Variants in MAML2 observed in about 807,000 individuals in gnomAD.
MAML2 encodes the protein mastermind-like protein 2.
Under a neutral mutation model 96.1 loss-of-function variants are expected in MAML2, and 22 were observed. The observed-to-expected ratio is 0.23, with a 90% CI of 0.16 to 0.33. The LOEUF (loss-of-function observed/expected upper bound fraction) is 0.33. MAML2 is among the 10% of genes least tolerant of loss of function. MAML2 has a pLI of 1.00. For missense variants in MAML2, 1,367 were observed against 1,392.4 expected (o/e 0.98, Z 0.29); for synonymous variants, 561 against 521.3 (o/e 1.08, Z -1.04).
chr11:96,332,649 C>T (rs1305057828), intron 1 of MAML2, among the ~76,000 whole-genome samples: 9 of 152,202 alleles, frequency 5.9e-5, no homozygotes, highest in African/African-American at 1.9e-4. Context: ...TACACTAGCA[C>T]ATACTTTGTG....
chr11:96,211,300 A>G (rs920926647), intron 1 of MAML2, among the ~76,000 whole-genome samples: 1 of 152,310 alleles, frequency 6.6e-6, no homozygotes, highest in Admixed American at 6.5e-5. Context: ...ATGGTTATCA[A>G]AAATCAAATA....
chr11:96,107,405 T>C (rs1001239760), intron 1 of MAML2, among the ~76,000 whole-genome samples: 2 of 152,168 alleles, frequency 1.3e-5, no homozygotes, highest in African/African-American at 4.8e-5. Context: ...TCAAATAAGA[T>C]AATGTCTATA....
intron 1 of MAML2, among the ~76,000 whole-genome samples, chr11:96,186,515 G>C (rs879426095): frequency 6.6e-6 from 1 of 152,198 alleles, no homozygotes; most frequent in Non-Finnish European, 1.5e-5. Context: ...CTTGAACCCG[G>C]GAGGTGGAGG....
chr11:96,193,628 T>G (rs569977), intron 1 of MAML2, among the ~76,000 whole-genome samples: 133,880 of 152,214 alleles, frequency 0.88, 59,160 homozygotes, highest in Middle Eastern at 0.95. Flanking sequence ...CATATGCAAA[T>G]CAGCAATATA....
intron 2 of MAML2, among the ~76,000 whole-genome samples, chr11:96,044,879 C>A (rs1362184804): frequency 1.3e-5 from 2 of 152,146 alleles, no homozygotes; most frequent in Admixed American, 6.5e-5. Context: ...GGCTCTTGTT[C>A]CAGATAAAAG....
At chr11:96,006,174 C>T (rs1042147284) in intron 2 of MAML2, among the ~76,000 whole-genome samples, 1 of 152,160 alleles carries the variant, frequency 6.6e-6, no homozygotes, top group African/African-American at 2.4e-5. Flanking sequence ...CTAAATACTT[C>T]AGTGAGACTT....
intron 1 of MAML2, among the ~76,000 whole-genome samples, chr11:96,141,909 A>C (rs569386284): frequency 6.6e-6 from 1 of 152,222 alleles, no homozygotes. Context: ...GCATCACCAC[A>C]GCAATCTGAG....
chr11:96,306,878 CT>C (rs1384432371), intron 1 of MAML2, among the ~76,000 whole-genome samples: 1 of 152,000 alleles, frequency 6.6e-6, no homozygotes, highest in South Asian at 2.1e-4. Context: ...GGAATTGATT[CT>C]TTTTTTTCTC....
At position 95,979,281 on chromosome 11, in the gene MAML2, AC is replaced by A. The variant is rs770205575; in HGVS notation, c.3137del (p.Gly1046ValfsTer2). ...TTAGCTGATTGGGTCTGAGATTCAGACCCCTGAGGGGACCCATGGTTTGCCC... is the reference window on the plus strand; with the variant it reads ...TTAGCTGATTGGGTCTGAGATTCAGACCCTGAGGGGACCCATGGTTTGCCC... The part of the protein sequence containing the change: ...LNGQTMGPLR[G>X]LNLRPNQLST... On this transcript the variant is annotated frameshift_variant, in exon 5 of 5. Transcript: ENST00000524717. LOFTEE classifies it high-confidence loss of function. 6.2e-7 allele frequency: 1 copy of A among 1,613,374 alleles called. No homozygotes were observed. Among genetic ancestry groups the A allele is most frequent in the South Asian group, 1.1e-5 (1 of 90,996 alleles).
chr11:96,202,339 A>T (rs1340275500), intron 1 of MAML2, among the ~76,000 whole-genome samples: 2 of 140,496 alleles, frequency 1.4e-5, no homozygotes, highest in East Asian at 4.1e-4. Context: ...TGACAGAGCA[A>T]GACTCCATCT....
intron 1 of MAML2, among the ~76,000 whole-genome samples, chr11:96,191,648 G>C (rs1379805323): frequency 6.6e-6 from 1 of 150,678 alleles, no homozygotes; most frequent in African/African-American, 2.4e-5. Flanking sequence ...GGCGGGCGCC[G>C]GTAGTCTCAG....
intron 1 of MAML2, among the ~76,000 whole-genome samples, chr11:96,119,750 A>C (rs1860303424): frequency 6.6e-6 from 1 of 151,998 alleles, no homozygotes; most frequent in Non-Finnish European, 1.5e-5. Context: ...CCTTCCCCAC[A>C]CACCCTCTTT....
intron 2 of MAML2, among the ~76,000 whole-genome samples, chr11:95,994,552 A>G (rs757454980): frequency 3.3e-5 from 5 of 152,140 alleles, no homozygotes; most frequent in Non-Finnish European, 7.4e-5. Flanking sequence ...GAGTAAGGAC[A>G]GGGAAGCAGA....
intron 1 of MAML2, among the ~76,000 whole-genome samples, chr11:96,150,623 C>A (rs966110802): frequency 6.6e-6 from 1 of 152,162 alleles, no homozygotes; most frequent in Non-Finnish European, 1.5e-5. Flanking sequence ...AGCACCCACA[C>A]CCACAGCTTT....
intron 1 of MAML2, among the ~76,000 whole-genome samples, chr11:96,147,201 A>G (rs1860834961): frequency 6.6e-6 from 1 of 152,196 alleles, no homozygotes; most frequent in African/African-American, 2.4e-5. Flanking sequence ...TTTTTCCTCA[A>G]TACTTCCTTT....
intron 2 of MAML2, among the ~76,000 whole-genome samples, chr11:96,024,697 A>C (rs934446095): frequency 1.3e-5 from 2 of 152,172 alleles, no homozygotes; most frequent in Admixed American, 1.3e-4. Flanking sequence ...CCTAAGGATC[A>C]TTTTTGGCTG....
chr11:96,229,066 A>T (rs1862254739), intron 1 of MAML2, among the ~76,000 whole-genome samples: 1 of 152,142 alleles, frequency 6.6e-6, no homozygotes, highest in Non-Finnish European at 1.5e-5. Context: ...TTCAGGGTTG[A>T]AACAAAGAAA....
At chr11:96,129,937 C>T (rs1003266455) in intron 1 of MAML2, among the ~76,000 whole-genome samples, 1 of 152,208 alleles carries the variant, frequency 6.6e-6, no homozygotes, top group Non-Finnish European at 1.5e-5. Flanking sequence ...TAACCTTCAG[C>T]CAAGGCTAAG....
chr11:96,022,994 A>T (rs538091453), intron 2 of MAML2, among the ~76,000 whole-genome samples: 7 of 152,310 alleles, frequency 4.6e-5, no homozygotes, highest in Non-Finnish European at 7.3e-5. Context: ...ACTGCTAAAG[A>T]TACTGTATCT....
Sources: allele counts gnomAD v4.1 joint callset (sites outside exome capture counted in the v4.1 genomes callset), GRCh38; gene constraint gnomAD v4.1.1; transcripts MANE v1.5; gene names NCBI Gene and HGNC (gene_info 2026-07-23, HGNC 2026-07-21).